IMPA2: variants seen among roughly 807,000 people sequenced by gnomAD.
IMPA2 encodes inositol monophosphatase 2, also known as IMP 2.
In IMPA2, 32 loss-of-function variants were observed where a neutral mutation model predicts 35.1. The observed-to-expected ratio is 0.91, with a 90% CI of 0.69 to 1.23. The LOEUF is 1.23. IMPA2 is among the 50% of genes most tolerant of loss of function. The pLI is 0.00. For missense variants in IMPA2, 334 were observed against 387.6 expected, an observed-to-expected ratio of 0.86 and a Z score of 1.16; for synonymous variants, 135 against 160.6, an observed-to-expected ratio of 0.84 and a Z score of 1.20.
At position 11,992,723 on chromosome 18, in the gene IMPA2, T is replaced by C. The variant is rs76086933; in HGVS notation, c.97-6331T>C. ...TTAAAAACCAGGATACCTAACTCATTGCTGGTGGAGTGAGAGTGTTTAAAA... is the reference window on the plus strand; with the variant it reads ...TTAAAAACCAGGATACCTAACTCATCGCTGGTGGAGTGAGAGTGTTTAAAA... On this transcript the variant is annotated intron_variant, in intron 1 of 7. Transcript: ENST00000269159. 3.0e-3 allele frequency among the ~76,000 whole-genome samples: 463 copies of C among 152,258 alleles called. 17 individuals carry two copies. In the East Asian group the frequency reaches 0.081, roughly 27 times the overall value.
intron 1 of IMPA2, among the ~76,000 whole-genome samples, chr18:11,984,075 A>G (rs1303521112): frequency 2.0e-5 from 3 of 152,136 alleles, no homozygotes; most frequent in African/African-American, 7.2e-5. Context: ...TAGATGCGGA[A>G]AGGTGAGGGA....
chr18:11,988,049 A>G (rs1050464183), intron 1 of IMPA2, among the ~76,000 whole-genome samples: 24 of 114,198 alleles, frequency 2.1e-4, no homozygotes, highest in Non-Finnish European at 2.6e-4. Flanking sequence ...TCTGTCGCCC[A>G]GGCTGGAGTG....
chr18:12,029,290 A>G (rs1220084477), intron 7 of IMPA2, among the ~76,000 whole-genome samples: 2 of 149,450 alleles, frequency 1.3e-5, no homozygotes, highest in African/African-American at 2.5e-5. Context: ...AATTTTTTGT[A>G]TTTTTATTAG....
chr18:11,986,439 G>T (rs79657036), intron 1 of IMPA2, among the ~76,000 whole-genome samples: 1,728 of 152,164 alleles, frequency 0.011, 26 homozygotes, highest in African/African-American at 0.04. Context: ...CACTCCTCAT[G>T]ACTTTATTTA....
rs117804600 is a variant in IMPA2 at position 11,991,126 on chromosome 18, G to A, written c.97-7928G>A. 0.034 allele frequency among the ~76,000 whole-genome samples: 5,160 copies of A among 152,258 alleles called. 118 individuals carry two copies. Among genetic ancestry groups the A allele is most frequent in the Middle Eastern group, 0.051 (15 of 294 alleles). Reference sequence around the variant, plus strand: ...AGGAATAGTGGGAGGGAGATGAGCCGCAGAATGGTGGGGAGATAGGAGGAA... The same window carrying A: ...AGGAATAGTGGGAGGGAGATGAGCCACAGAATGGTGGGGAGATAGGAGGAA... On this transcript the variant is annotated intron_variant, in intron 1 of 7. Coordinates refer to ENST00000269159, the MANE Select transcript of IMPA2 (RefSeq NM_014214.3). This position sits in a 1 kb window ranked among gnomAD's most constrained non-coding sequence, Gnocchi z 4.1.
chr18:12,005,721 TGGGCATGC>T (rs1907230091), intron 2 of IMPA2, among the ~76,000 whole-genome samples: 4 of 152,160 alleles, frequency 2.6e-5, no homozygotes, highest in Admixed American at 2.6e-4. Flanking sequence ...GGGAGGCACG[TGGGCATGC>T]CGCGTGGGTG....
intron 2 of IMPA2, chr18:12,008,392 C>T (rs17593321): frequency 0.057 from 29,492 of 518,528 alleles, 1,082 homozygotes; most frequent in South Asian, 0.078. Context: ...GAAAACCTCT[C>T]GGCAAGGCCA....
intron 7 of IMPA2, among the ~76,000 whole-genome samples, chr18:12,029,349 C>T (rs1283272184): frequency 6.6e-6 from 1 of 151,548 alleles, no homozygotes; most frequent in Admixed American, 6.6e-5. Context: ...CTCCTGACCT[C>T]GTGATCCGCC....
intron 1 of IMPA2, among the ~76,000 whole-genome samples, chr18:11,993,441 T>C (rs1173680207): frequency 6.6e-6 from 1 of 152,204 alleles, no homozygotes; most frequent in Non-Finnish European, 1.5e-5. Flanking sequence ...GCAGCCCCCA[T>C]GTGTGCAAGG....
chr18:12,027,949 C>G, intron 5 of IMPA2, 94 bp from the exon 6 acceptor site: 1 of 776,176 alleles, frequency 1.3e-6, no homozygotes, highest in Non-Finnish European at 2.2e-6. Flanking sequence ...ATGATCCTTA[C>G]TCTGAGAAAG....
At chr18:12,018,642 G>A (rs947648729) in intron 5 of IMPA2, among the ~76,000 whole-genome samples, 2 of 152,046 alleles carry the variant, frequency 1.3e-5, no homozygotes, top group Non-Finnish European at 2.9e-5. Flanking sequence ...ACATTTTAAC[G>A]TGAATAATAT....
chr18:11,998,979 G>C (rs998068092), intron 1 of IMPA2, 75 bp from the exon 2 acceptor site: 1 of 902,470 alleles, frequency 1.1e-6, no homozygotes, highest in Admixed American at 2.8e-5. Context: ...GAGGGGACTC[G>C]AAGGAGTGGA....
intron 2 of IMPA2, chr18:12,008,629 G>GTGTGTGTGGGCC (rs1358716337): frequency 6.7e-6 from 3 of 448,182 alleles, no homozygotes; most frequent in Non-Finnish European, 1.3e-5. Context: ...CATCTTCCCT[G>GTGTGTGTGGGCC]TGTGTGTGGG....
intron 4 of IMPA2, among the ~76,000 whole-genome samples, chr18:12,012,810 C>T (rs531725018): frequency 8.5e-5 from 13 of 152,110 alleles, no homozygotes; most frequent in African/African-American, 1.4e-4. Context: ...TAAATAGGGC[C>T]GAGGGCTGCA....
chr18:12,014,356 G>A lies in IMPA2; in HGVS notation c.473G>A (p.Arg158Gln), dbSNP rs751570882. Residue 158 changes from arginine (R) to glutamine (Q), a missense_variant, in exon 5 of 8, where the codon CGG becomes CAG. Physicochemically the swap from Arg to Gln is conservative, Grantham distance 43 (BLOSUM62 1). Coordinates refer to ENST00000269159, the MANE Select transcript of IMPA2 (RefSeq NM_014214.3). ...GCCTTCTGCAATGGCCAGCGGCTCC[G>A]GGTCTCCGGGGAGACAGGTGGGCTT... is the stretch of plus-strand genomic sequence containing the variant. ...RGAFCNGQRL[R>Q]VSGETDLSKA... The A allele has an allele frequency of 5.7e-6, 9 of 1,591,600 alleles. No individual in the cohort carries two copies. Among genetic ancestry groups the A allele is most frequent in the South Asian group, 4.5e-5 (4 of 88,476 alleles).
At chr18:12,018,722 A>AT (rs1907648997) in intron 5 of IMPA2, among the ~76,000 whole-genome samples, 2 of 152,074 alleles carry the variant, frequency 1.3e-5, no homozygotes, top group South Asian at 4.1e-4. Context: ...ATAGTTTTAC[A>AT]TTTTTTCCAA....
intron 2 of IMPA2, among the ~76,000 whole-genome samples, chr18:12,009,538 C>G (rs1198950192): frequency 3.3e-5 from 5 of 152,180 alleles, no homozygotes; most frequent in Admixed American, 6.5e-5. Context: ...TCCTCCCCTA[C>G]AGACTGAAGT....
chr18:11,993,340 TCTTCATGAAGAGCTACAGGACAAGG>T (rs1489515814), intron 1 of IMPA2, among the ~76,000 whole-genome samples: 1 of 152,224 alleles, frequency 6.6e-6, no homozygotes, highest in East Asian at 1.9e-4. Flanking sequence ...TTCATACCCA[TCTTCATGAAGAGCTACAGGACAAGG>T]CTTCTGACTT....
At chr18:12,021,692 T>C (rs969120421) in intron 5 of IMPA2, 1 of 152,196 alleles carries the variant, frequency 6.6e-6, no homozygotes, top group Non-Finnish European at 1.5e-5. Context: ...AACTTTTGTA[T>C]GTTTGGTAGA....
Sources: allele counts gnomAD v4.1 joint callset (sites outside exome capture counted in the v4.1 genomes callset), GRCh38; gene constraint gnomAD v4.1.1; non-coding constraint Gnocchi (gnomAD v3.1); transcripts MANE v1.5; gene names NCBI Gene and HGNC (gene_info 2026-07-23, HGNC 2026-07-21).